The following DEFB119 variants were observed in gnomAD, a reference collection of about 807,000 sequenced individuals.
DEFB119 encodes defensin beta 119.
DEFB119 carries 3 observed loss-of-function variants against 2.5 expected under a neutral mutation model. The observed-to-expected ratio is 1.19, with a 90% CI of 0.54 to 3.07. The LOEUF is 3.07. Among genes scored for constraint, DEFB119 ranks in the 30% most tolerant of loss-of-function variants. The pLI is 0.03. For synonymous variants in DEFB119, 29 were observed against 33.7 expected (o/e 0.86, Z 0.48); for missense variants, 113 against 101.1 (o/e 1.12, Z -0.50).
chr20:31,378,101 G>A (rs1986368194), intron 1 of DEFB119, among the ~76,000 whole-genome samples: 2 of 152,200 alleles, frequency 1.3e-5, no homozygotes, highest in South Asian at 4.1e-4. Context: ...CCACCATGCA[G>A]TGTCGATAGG....
chr20:31,383,677 G>T (rs566609003), intron 1 of DEFB119, among the ~76,000 whole-genome samples: 2 of 151,190 alleles, frequency 1.3e-5, no homozygotes, highest in Admixed American at 6.6e-5. Context: ...ACCCCATCTC[G>T]ACTAAAAATA....
At position 31,390,577 on chromosome 20, in the gene DEFB119, G is replaced by T; in HGVS notation, c.-94C>A. On this transcript the variant is annotated 5_prime_UTR_variant, in exon 1 of 2. In the 5' UTR this introduces an upstream ATG that the reference lacks. Transcript: ENST00000376321. The stretch of plus-strand genomic sequence containing the variant: ...GCAGAGATGAGCTTTGCTTTTATCA[G>T]CAGGGCTGTGGGCAGTGAATTAGAA... 1 of 1,233,178 alleles carries T rather than the reference G, an allele frequency of 8.1e-7. No individual in the cohort carries two copies. The highest frequency in any genetic ancestry group is 1.2e-6 in the Non-Finnish European group (1 of 851,374). The allele number at this position is 1,233,178 out of a possible 1,614,324, so 76.4% of individuals were successfully genotyped here.
At chr20:31,379,842 T>G (rs1009519202) in intron 1 of DEFB119, among the ~76,000 whole-genome samples, 3 of 152,110 alleles carry the variant, frequency 2.0e-5, no homozygotes, top group Non-Finnish European at 4.4e-5. Flanking sequence ...ATTTCTTGTA[T>G]TTTTAGTAGA....
intron 1 of DEFB119, chr20:31,389,128 T>C (rs750663041): frequency 6.2e-7 from 1 of 1,614,232 alleles, no homozygotes; most frequent in South Asian, 1.1e-5. Flanking sequence ...GATTGTTAAA[T>C]AACGACTAGG....
At chr20:31,388,468 G>A (rs1405819205) in intron 1 of DEFB119, 1 of 204,042 alleles carries the variant, frequency 4.9e-6, no homozygotes, top group Non-Finnish European at 8.8e-6. Flanking sequence ...AAGTGAATAT[G>A]AATGAATGAA....
intron 1 of DEFB119, among the ~76,000 whole-genome samples, chr20:31,387,695 C>T (rs754508343): frequency 3.3e-5 from 5 of 152,144 alleles, no homozygotes; most frequent in Non-Finnish European, 7.4e-5. Flanking sequence ...GGGCCCCACC[C>T]TCCAGGGAGG....
chr20:31,380,199 G>T (rs1038943455), intron 1 of DEFB119, among the ~76,000 whole-genome samples: 9 of 152,086 alleles, frequency 5.9e-5, no homozygotes, highest in Admixed American at 1.3e-4. Context: ...CGGTCTGAAT[G>T]TTTTTTCCCA....
chr20:31,390,429 T>A lies in DEFB119; in HGVS notation c.55A>T (p.Ile19Leu). The A allele has an allele frequency of 6.2e-7, 1 of 1,612,046 alleles. No individual in the cohort carries two copies. Among genetic ancestry groups the A allele is most frequent in the South Asian group, 1.1e-5 (1 of 90,728 alleles). ...CGAGAGAGGTTCACGTTACCTGATA[T>A]CACTGGTTCTTCTATGGCCAGAAGG... ...AILLAIEEPV[I>L]SGKRHILRCM... The change falls in exon 1 of 2, where the codon ATA becomes TTA. Residue 19 changes from isoleucine to leucine, a missense_variant. Transcript: ENST00000376321.
chr20:31,386,395 G>A (rs1240330418), intron 1 of DEFB119, among the ~76,000 whole-genome samples: 2 of 152,116 alleles, frequency 1.3e-5, no homozygotes, highest in Non-Finnish European at 2.9e-5. Context: ...TCTGAAGTGG[G>A]CTGAAAAATA....
At chr20:31,385,299 A>G (rs1255295731) in intron 1 of DEFB119, among the ~76,000 whole-genome samples, 1 of 150,988 alleles carries the variant, frequency 6.6e-6, no homozygotes, top group East Asian at 2.0e-4. Flanking sequence ...TCAAGTGATA[A>G]TCCAATGTCT....
At chr20:31,389,837 C>G (rs1986859022) in intron 1 of DEFB119, among the ~76,000 whole-genome samples, 1 of 152,000 alleles carries the variant, frequency 6.6e-6, no homozygotes, top group African/African-American at 2.4e-5. Flanking sequence ...CTAATCTAAC[C>G]CTAATCTAAT....
rs547884930 is a variant in DEFB119, at chr20:31,388,065, T to C, written c.61+2358A>G. ...ACGCAGTTCAGGGTGAAAAACTAACTGTGTTGGTTAAATGGGGCCCAGAGA... is the reference window on the plus strand; with the variant it reads ...ACGCAGTTCAGGGTGAAAAACTAACCGTGTTGGTTAAATGGGGCCCAGAGA... On this transcript the variant is annotated intron_variant, in intron 1 of 1. Coordinates refer to ENST00000376321, the MANE Select transcript of DEFB119 (RefSeq NM_153289.4). 5.1e-5 allele frequency: 50 copies of C among 985,390 alleles called. No homozygotes were observed. In the African/African-American group the frequency reaches 8.4e-4, roughly 16 times the overall value. 61.0% of individuals were successfully genotyped at this position (985,390 alleles called of 1,614,324 possible).
At chr20:31,389,283 G>C (rs1419812103) in intron 1 of DEFB119, 16 of 1,609,854 alleles carry the variant, frequency 9.9e-6, no homozygotes, top group Non-Finnish European at 1.4e-5. Context: ...CTCAAGCGGA[G>C]AGAAAAGACA....
intron 1 of DEFB119, among the ~76,000 whole-genome samples, chr20:31,381,447 G>T (rs1316704994): frequency 6.6e-6 from 1 of 152,100 alleles, no homozygotes; most frequent in Non-Finnish European, 1.5e-5. Context: ...TTGCATTAAT[G>T]CAATGGCTAG....
rs1173390612 is a variant in DEFB119 at position 31,377,253 on chromosome 20, A to G, written c.248T>C (p.Leu83Pro). 6.2e-7 allele frequency: 1 copy of G among 1,611,178 alleles called. No individual in the cohort carries two copies. The highest frequency in any genetic ancestry group is 1.1e-5 in the South Asian group (1 of 90,492). Residue 83 changes from leucine (L) to proline (P), a missense_variant, in exon 2 of 2, where the codon CTA (leucine) becomes CCA (proline). Coordinates refer to ENST00000376321, the MANE Select transcript of DEFB119 (RefSeq NM_153289.4). Reference protein sequence around the residue: ...DWSYEKQWPRLP With the variant: ...DWSYEKQWPRPP ...AATGGTAATCACCAGCACTCAAGGT[A>G]GTCTTGGCCACTGCTTCTCATAAGA...
chr20:31,382,712 C>T (rs1418850638), intron 1 of DEFB119, among the ~76,000 whole-genome samples: 2 of 152,180 alleles, frequency 1.3e-5, no homozygotes, highest in Non-Finnish European at 2.9e-5. Context: ...CTCATGCTTT[C>T]ACTGGTGAAT....
At chr20:31,382,055 G>T (rs1316070186) in intron 1 of DEFB119, among the ~76,000 whole-genome samples, 1 of 152,130 alleles carries the variant, frequency 6.6e-6, no homozygotes, top group Non-Finnish European at 1.5e-5. Context: ...GCTTGGTCAT[G>T]ATGGTGGTTA....
chr20:31,377,296 C>T lies in DEFB119; in HGVS notation c.205G>A (p.Glu69Lys). The change falls in exon 2 of 2, where the codon GAG (glutamate) becomes AAG (lysine). Residue 69 changes from glutamate to lysine, a missense_variant. Transcript: ENST00000376321. ...SYMRISISGK[E>K]ENTDWSYEKQ... The stretch of plus-strand genomic sequence containing the variant: ...TCATAAGACCAGTCGGTATTTTCCT[C>T]TTTGCCAGAAATGCTTATCCTCATG... 6.2e-7 allele frequency: 1 copy of T among 1,614,074 alleles called. No homozygotes were observed. The highest frequency in any genetic ancestry group is 8.5e-7 in the Non-Finnish European group (1 of 1,179,982).
intron 1 of DEFB119, among the ~76,000 whole-genome samples, chr20:31,384,472 A>T (rs2122302668): frequency 6.6e-6 from 1 of 152,318 alleles, no homozygotes; most frequent in Middle Eastern, 3.4e-3. Flanking sequence ...AAAAAAATTC[A>T]CCGAAAACAA....
Sources: gnomAD v4.1 joint callset for allele counts (sites outside exome capture counted in the v4.1 genomes callset) on GRCh38, gnomAD v4.1.1 for gene constraint, MANE v1.5 for transcripts, NCBI Gene and HGNC (gene_info 2026-07-23, HGNC 2026-07-21) for gene names.